Variants in C20orf96 observed in about 807,000 individuals in gnomAD.
C20orf96 encodes uncharacterized protein C20orf96.
A neutral mutation model predicts 52.6 loss-of-function variants in C20orf96; 57 were observed. That is an observed-to-expected ratio of 1.08 (90% CI 0.88 to 1.35). C20orf96 has a LOEUF of 1.35. Among genes scored for constraint, C20orf96 ranks in the 40% most tolerant of loss-of-function variants. The pLI, the probability that C20orf96 is intolerant of heterozygous loss-of-function variation, is 0.00. For missense variants in C20orf96, 478 were observed against 443.6 expected (o/e 1.08, Z -0.70); for synonymous variants, 168 against 157.2 (o/e 1.07, Z -0.51).
chr20:271,790 A>G (rs1423719182), intron 10 of C20orf96, among the ~76,000 whole-genome samples: 3 of 152,218 alleles, frequency 2.0e-5, no homozygotes, highest in Non-Finnish European at 4.4e-5. Flanking sequence ...AACCTCAGTC[A>G]TTGGTGGAAA....
chr20:284,060 G>A lies in C20orf96; in HGVS notation c.209C>T (p.Thr70Met), dbSNP rs768337298. The A allele has an allele frequency of 8.7e-6, 14 of 1,613,874 alleles. No homozygotes were observed. The highest frequency in any genetic ancestry group is 5.3e-5 in the African/African-American group (4 of 74,916). ...CTTCGGCTGGCAGCTTGTCACCACCGTAGTGGGCTTGAAGTGAAACACTAG... is the reference window on the plus strand; with the variant it reads ...CTTCGGCTGGCAGCTTGTCACCACCATAGTGGGCTTGAAGTGAAACACTAG... ...VQPVFHFKPT[T>M]VVTSCQPKNP... Residue 70 changes from threonine (T) to methionine (M), a missense_variant, in exon 4 of 11, where the codon ACG becomes ATG. By Grantham distance (81) the Thr-to-Met change is moderately conservative. Transcript: ENST00000360321.
chr20:272,100 A>G (rs1435877993), intron 10 of C20orf96, among the ~76,000 whole-genome samples: 1 of 136,864 alleles, frequency 7.3e-6, no homozygotes, highest in African/African-American at 3.0e-5. Flanking sequence ...ACATGAAACC[A>G]ACATAGAAAA....
intron 3 of C20orf96, 141 bp from the exon 4 acceptor site, chr20:284,222 C>T (rs6046939): frequency 0.091 from 58,129 of 636,806 alleles, 7,925 homozygotes; most frequent in African/African-American, 0.49. Context: ...GACACTAGAC[C>T]GAGGGTGAAA....
At position 279,256 on chromosome 20, in the gene C20orf96, C is replaced by A. The variant is rs1289811607; in HGVS notation, c.381G>T (p.Arg127=). The change falls in exon 5 of 11, where the codon CGG becomes CGT. Residue 127 remains arginine, a synonymous_variant. Coordinates refer to ENST00000360321, the MANE Select transcript of C20orf96 (RefSeq NM_153269.3). The part of the protein sequence containing the change: ...SRENFLSKLN[R]ELIETIQEME... ...TCTCCTGGATGGTCTCGATCAGCTCCCGGTTGAGCTTGCTGAGGAAGTTCT... is the reference window on the plus strand; with the variant it reads ...TCTCCTGGATGGTCTCGATCAGCTCACGGTTGAGCTTGCTGAGGAAGTTCT... 1.2e-6 allele frequency: 2 copies of A among 1,611,168 alleles called. No homozygotes were observed. The highest frequency in any genetic ancestry group is 1.7e-6 in the Non-Finnish European group (2 of 1,179,258).
At chr20:290,423 A>G (rs565444547) in intron 1 of C20orf96, 116 bp from the exon 2 acceptor site, 2 of 1,548,888 alleles carry the variant, frequency 1.3e-6, no homozygotes, top group South Asian at 1.2e-5. Context: ...ACCGGGGACA[A>G]TAGCCCCGCG....
chr20:279,112 GA>G, intron 5 of C20orf96, 59 bp downstream of exon 5: 1 of 1,130,666 alleles, frequency 8.8e-7, no homozygotes, highest in Non-Finnish European at 1.2e-6. Context: ...CGGAGGGAGG[GA>G]GGGAGGGACG....
Position 289,549 on chromosome 20 carries a change from C to T in C20orf96, c.187+10G>A, listed in dbSNP as rs772652544. Reference sequence around the variant, plus strand: ...AACCCCCACACCAGCTCCCAGGTGCCTCCGCCCACCTGGTTGGACCCTAGT... The same window carrying T: ...AACCCCCACACCAGCTCCCAGGTGCTTCCGCCCACCTGGTTGGACCCTAGT... On this transcript the variant is annotated intron_variant, in intron 3 of 10. Transcript: ENST00000360321. The T allele has an allele frequency of 1.3e-6, 2 of 1,595,986 alleles. No individual in the cohort carries two copies. Among genetic ancestry groups the T allele is most frequent in the South Asian group, 2.2e-5 (2 of 90,720 alleles).
intron 4 of C20orf96, among the ~76,000 whole-genome samples, chr20:281,908 A>G (rs1200539100): frequency 1.3e-5 from 2 of 152,200 alleles, no homozygotes; most frequent in African/African-American, 4.8e-5. Context: ...TCCAGGCTGC[A>G]GTGAGCCATG....
chr20:278,223 C>A (rs1293548392), intron 6 of C20orf96, 107 bp downstream of exon 6: 4 of 827,180 alleles, frequency 4.8e-6, no homozygotes, highest in Non-Finnish European at 8.5e-6. Flanking sequence ...AGAAGAGAGC[C>A]AATGGGGCTG....
At chr20:273,882 G>GAAGGAAGGAAGA (rs1347407145) in intron 10 of C20orf96, among the ~76,000 whole-genome samples, 4 of 59,868 alleles carry the variant, frequency 6.7e-5, no homozygotes, top group African/African-American at 1.2e-4. Context: ...GTCTCAAGAA[G>GAAGGAAGGAAGA]AAGGAAGGAA....
intron 4 of C20orf96, among the ~76,000 whole-genome samples, chr20:281,777 G>A (rs1262996365): frequency 6.6e-6 from 1 of 152,192 alleles, no homozygotes; most frequent in Admixed American, 6.5e-5. Context: ...CCAGGAGTTA[G>A]AGCCCTGGGC....
At chr20:289,731 C>G in intron 2 of C20orf96, 55 bp from the exon 3 acceptor site, 5 of 1,407,496 alleles carry the variant, frequency 3.6e-6, no homozygotes, top group Non-Finnish European at 5.0e-6. Context: ...CCAGCTCTAC[C>G]CTTTTCAGAT....
chr20:285,870 G>A (rs117008402), intron 3 of C20orf96, among the ~76,000 whole-genome samples: 8,775 of 152,174 alleles, frequency 0.058, 350 homozygotes, highest in Non-Finnish European at 0.094. Context: ...CACCGCGCCC[G>A]GCCAGATTAC....
At chr20:281,310 T>C (rs2012249053) in intron 4 of C20orf96, among the ~76,000 whole-genome samples, 1 of 152,156 alleles carries the variant, frequency 6.6e-6, no homozygotes, top group South Asian at 2.1e-4. Flanking sequence ...GCTATGATTA[T>C]GCCATTTCAC....
rs1488834176 is a variant in C20orf96, at chr20:284,032, A to T, written c.237T>A (p.Asn79Lys). 3 of 1,614,110 alleles carry T rather than the reference A, an allele frequency of 1.9e-6. No individual in the cohort carries two copies. In the Admixed American group the frequency reaches 5.0e-5, roughly 27 times the overall value. The change falls in exon 4 of 11, where the codon AAT (asparagine) becomes AAA (lysine). Residue 79 changes from asparagine (N) to lysine (K), a missense_variant. Coordinates refer to ENST00000360321, the MANE Select transcript of C20orf96 (RefSeq NM_153269.3). ...TTVVTSCQPKNPRELHRRRKL... is the reference protein window; with the variant it reads ...TTVVTSCQPKKPRELHRRRKL... ...TCCGCCTTCTATGTAGTTCTCTTGG[A>T]TTCTTCGGCTGGCAGCTTGTCACCA...
At chr20:288,174 C>CTTTTTTTCT (rs2012440611) in intron 3 of C20orf96, among the ~76,000 whole-genome samples, 1 of 66,050 alleles carries the variant, frequency 1.5e-5, no homozygotes, top group African/African-American at 6.1e-5. Flanking sequence ...TTTTCTTTTT[C>CTTTTTTTCT]TTTTTTTTTT....
At position 276,803 on chromosome 20, in the gene C20orf96, C is replaced by T. The variant is rs757074568; in HGVS notation, c.902G>A (p.Arg301Lys). ...TCCTTGCCCACGCACTTCTCTGAAC[C>T]TTTGCATGCATTTCAGGAAGTCCTG... ...ESQDFLKCMQRFREIIDQFEE... is the reference protein window; with the variant it reads ...ESQDFLKCMQKFREIIDQFEE... The change falls in exon 9 of 11, where the codon AGG becomes AAG. Residue 301 changes from arginine (R) to lysine (K), a missense_variant. Physicochemically the swap from Arg to Lys is conservative, Grantham distance 26. Coordinates refer to ENST00000360321, the MANE Select transcript of C20orf96 (RefSeq NM_153269.3). 1 of 1,613,226 alleles carries T rather than the reference C, an allele frequency of 6.2e-7. No individual in the cohort carries two copies. The highest frequency in any genetic ancestry group is 8.5e-7 in the Non-Finnish European group (1 of 1,179,542).
chr20:288,154 A>C (rs1423383598), intron 3 of C20orf96, among the ~76,000 whole-genome samples: 1 of 50,968 alleles, frequency 2.0e-5, no homozygotes, highest in Middle Eastern at 0.017. Flanking sequence ...TTGTTAAATC[A>C]TTTCTTTCTT....
intron 4 of C20orf96, among the ~76,000 whole-genome samples, chr20:279,697 C>T (rs1245017876): frequency 6.6e-6 from 1 of 152,088 alleles, no homozygotes; most frequent in Non-Finnish European, 1.5e-5. Flanking sequence ...AAGGGCCGGG[C>T]GGGGTGGCTC....
Sources: gnomAD v4.1 joint callset for allele counts (sites outside exome capture counted in the v4.1 genomes callset) on GRCh38, gnomAD v4.1.1 for gene constraint, MANE v1.5 for transcripts, NCBI Gene and HGNC (gene_info 2026-07-23, HGNC 2026-07-21) for gene names.